Variants in CDH18 observed in about 807,000 individuals in gnomAD.
The protein encoded by CDH18 is cadherin-18.
A neutral mutation model predicts 67.9 loss-of-function variants in CDH18; 31 were observed. The observed-to-expected ratio is 0.46, with a 90% confidence interval of 0.34 to 0.62. The LOEUF (loss-of-function observed/expected upper bound fraction) is 0.62. Among genes scored for constraint, CDH18 ranks in the 20% least tolerant of loss-of-function variants. The pLI, the probability that CDH18 is intolerant of heterozygous loss-of-function variation, is 0.01. For synonymous variants in CDH18, 362 were observed against 347.2 expected (o/e 1.04, Z -0.48); for missense variants, 890 against 975.5 (o/e 0.91, Z 1.17).
chr5:20,441,493 G>C (rs1210002595), intron 1 of CDH18, among the ~76,000 whole-genome samples: 1 of 149,456 alleles, frequency 6.7e-6, no homozygotes, highest in East Asian at 2.0e-4. Flanking sequence ...ACTACACAGA[G>C]CAAAAAAAAA....
intron 8 of CDH18, among the ~76,000 whole-genome samples, chr5:19,558,594 GA>G (rs956081639): frequency 2.0e-5 from 3 of 150,910 alleles, no homozygotes; most frequent in Admixed American, 6.6e-5. Flanking sequence ...ATTAAACAAG[GA>G]AAAAAATATA....
intron 2 of CDH18, among the ~76,000 whole-genome samples, chr5:19,956,335 C>A (rs190444340): frequency 6.6e-6 from 1 of 151,816 alleles, no homozygotes; most frequent in African/African-American, 2.4e-5. Flanking sequence ...TTTGATCTGT[C>A]CACTCTCTAA....
chr5:19,951,844 A>G (rs1050976104), intron 2 of CDH18, among the ~76,000 whole-genome samples: 1 of 152,114 alleles, frequency 6.6e-6, no homozygotes, highest in Non-Finnish European at 1.5e-5. Context: ...ATGGTTATAA[A>G]TATTTAGGAA....
intron 1 of CDH18, among the ~76,000 whole-genome samples, chr5:20,337,897 C>T (rs115210905): frequency 2.6e-3 from 393 of 152,318 alleles, no homozygotes; most frequent in African/African-American, 8.9e-3. Flanking sequence ...TACAGTTCCA[C>T]GTGGCTGGGG....
chr5:19,907,294 T>A (rs1195363628), intron 2 of CDH18, among the ~76,000 whole-genome samples: 1 of 151,994 alleles, frequency 6.6e-6, no homozygotes, highest in African/African-American at 2.4e-5. Flanking sequence ...GTATCTCGTA[T>A]TTACAATGCT....
At chr5:20,109,165 A>C (rs73762492) in intron 2 of CDH18, among the ~76,000 whole-genome samples, 6,555 of 152,234 alleles carry the variant, frequency 0.043, 497 homozygotes, top group African/African-American at 0.15. Context: ...GACAAGGAAA[A>C]ATCTAATCTT....
chr5:20,283,902 G>A (rs574370226), intron 1 of CDH18, among the ~76,000 whole-genome samples: 8 of 151,980 alleles, frequency 5.3e-5, no homozygotes, highest in Non-Finnish European at 8.8e-5. Context: ...ACACAGTGGG[G>A]CACTATTTAG....
intron 5 of CDH18, among the ~76,000 whole-genome samples, chr5:19,678,501 T>A (rs1251061362): frequency 6.6e-6 from 1 of 151,930 alleles, no homozygotes; most frequent in African/African-American, 2.4e-5. Flanking sequence ...GGGAAGATTA[T>A]AGCTCTTAAT....
At chr5:20,509,535 C>T (rs906347803) in intron 1 of CDH18, among the ~76,000 whole-genome samples, 1 of 151,980 alleles carries the variant, frequency 6.6e-6, no homozygotes, top group Non-Finnish European at 1.5e-5. Flanking sequence ...CTCAGCCTCC[C>T]TAGTATCTGG....
At chr5:19,692,728 T>G (rs1173099574) in intron 5 of CDH18, among the ~76,000 whole-genome samples, 1 of 151,534 alleles carries the variant, frequency 6.6e-6, no homozygotes, top group African/African-American at 2.4e-5. Flanking sequence ...TGGAAAAAAA[T>G]TATAGATTTT....
chr5:19,802,809 C>T (rs1169573768), intron 3 of CDH18, among the ~76,000 whole-genome samples: 1 of 152,044 alleles, frequency 6.6e-6, no homozygotes, highest in Non-Finnish European at 1.5e-5. Flanking sequence ...ACACAAAGAC[C>T]AAGGGAAAAA....
chr5:20,288,750 C>A (rs950724924), intron 1 of CDH18, among the ~76,000 whole-genome samples: 2 of 151,858 alleles, frequency 1.3e-5, no homozygotes, highest in Non-Finnish European at 2.9e-5. Flanking sequence ...TACATGCACA[C>A]ACACACGTAA....
chr5:20,396,137 T>C (rs2150122719), intron 1 of CDH18, among the ~76,000 whole-genome samples: 1 of 152,324 alleles, frequency 6.6e-6, no homozygotes, highest in South Asian at 2.1e-4. Flanking sequence ...CATTCAGAAG[T>C]ACAGGTCACA....
At chr5:20,160,728 C>T (rs1339549009) in intron 2 of CDH18, among the ~76,000 whole-genome samples, 4 of 152,154 alleles carry the variant, frequency 2.6e-5, no homozygotes, top group Non-Finnish European at 1.5e-5. Flanking sequence ...AGGCTCTTTA[C>T]AGCAGCACCC....
chr5:20,343,101 G>A (rs1176944856), intron 1 of CDH18, among the ~76,000 whole-genome samples: 3 of 152,140 alleles, frequency 2.0e-5, no homozygotes, highest in Admixed American at 2.0e-4. Context: ...ATTGGATCCC[G>A]AGGTGGCAAA....
intron 2 of CDH18, among the ~76,000 whole-genome samples, chr5:19,963,116 C>A (rs993195870): frequency 6.6e-6 from 1 of 152,056 alleles, no homozygotes; most frequent in African/African-American, 2.4e-5. Flanking sequence ...AAGCATAGCC[C>A]ACAAATACAA....
chr5:19,554,802 C>G (rs1447130266), intron 8 of CDH18, among the ~76,000 whole-genome samples: 1 of 151,918 alleles, frequency 6.6e-6, no homozygotes, highest in East Asian at 1.9e-4. Flanking sequence ...TCTTCTATAT[C>G]TTTAATGAAA....
chr5:19,472,371 A>G lies in CDH18; in HGVS notation c.*855T>C, dbSNP rs1161244662. ...TATAATAAAACAAGTGGAAAAAAGG[A>G]AAAAAAAAGTTCCCCAACATTTGGT... On this transcript the variant is annotated 3_prime_UTR_variant, in exon 13 of 13. Coordinates refer to ENST00000382275, the MANE Select transcript of CDH18 (RefSeq NM_004934.5). Among the ~76,000 whole-genome samples, 2 of 151,576 alleles carry G rather than the reference A, an allele frequency of 1.3e-5. No homozygotes were observed. The highest frequency in any genetic ancestry group is 1.5e-5 in the Non-Finnish European group (1 of 67,860).
chr5:20,360,918 T>C (rs1742038280), intron 1 of CDH18, among the ~76,000 whole-genome samples: 1 of 152,138 alleles, frequency 6.6e-6, no homozygotes, highest in African/African-American at 2.4e-5. Flanking sequence ...AGATATATAT[T>C]CAAAGGCAAA....
Sources: allele counts gnomAD v4.1 joint callset (sites outside exome capture counted in the v4.1 genomes callset), GRCh38; gene constraint gnomAD v4.1.1; transcripts MANE v1.5; gene names NCBI Gene and HGNC (gene_info 2026-07-23, HGNC 2026-07-21).